ATRNL1: variants seen among roughly 807,000 people sequenced by gnomAD.
ATRNL1 encodes attractin like 1, also known as attractin-like protein 1.
Under a neutral mutation model 182.7 loss-of-function variants are expected in ATRNL1, and 95 were observed. The observed-to-expected ratio is 0.52, with a 90% CI of 0.44 to 0.62. ATRNL1 has a LOEUF of 0.62. Ranked by LOEUF, ATRNL1 falls within the 20% of genes least tolerant of loss-of-function variation. The pLI is 0.00. For synonymous variants in ATRNL1, 576 were observed against 568.3 expected (o/e 1.01, Z -0.19); for missense variants, 1,471 against 1,679.5 (o/e 0.88, Z 2.17).
chr10:115,274,976 G>A lies in ATRNL1; in HGVS notation c.2101-6379G>A, dbSNP rs113198768. Among the ~76,000 whole-genome samples the A allele has an allele frequency of 9.4e-3, 1,430 of 152,232 alleles. 10 individuals are homozygous for A. The highest frequency in any genetic ancestry group is 0.016 in the Non-Finnish European group (1,062 of 68,020). On this transcript the variant is annotated intron_variant, in intron 13 of 28. Coordinates refer to ENST00000355044, the MANE Select transcript of ATRNL1 (RefSeq NM_207303.4). ...ATAGACTAAATAGGCAAATTTCATG[G>A]GAATATGGTGGGAATTACCACTCCT...
At chr10:115,168,142 T>G (rs1269601) in intron 7 of ATRNL1, among the ~76,000 whole-genome samples, 101,538 of 151,950 alleles carry the variant, frequency 0.67, 34,635 homozygotes, top group Non-Finnish European at 0.75. Context: ...TATCCATGTT[T>G]TAGAATGTAT....
intron 1 of ATRNL1, among the ~76,000 whole-genome samples, chr10:115,097,212 C>G (rs1371825333): frequency 1.3e-5 from 2 of 152,002 alleles, no homozygotes; most frequent in Non-Finnish European, 2.9e-5. Flanking sequence ...TGCTGGGTGC[C>G]GTGGCTCAGG....
intron 20 of ATRNL1, among the ~76,000 whole-genome samples, chr10:115,425,356 TATA>T (rs1554962658): frequency 7.9e-5 from 12 of 151,702 alleles, no homozygotes; most frequent in African/African-American, 1.5e-4. Context: ...CATATGCAAA[TATA>T]ATTTTTAGTA....
chr10:115,484,976 T>C (rs1342122595), intron 24 of ATRNL1, among the ~76,000 whole-genome samples: 1 of 151,822 alleles, frequency 6.6e-6, no homozygotes, highest in East Asian at 1.9e-4. Flanking sequence ...AGAATCACTA[T>C]GTGAGCGAAA....
At chr10:115,641,976 TAAAC>T (rs1219616671) in intron 26 of ATRNL1, among the ~76,000 whole-genome samples, 5 of 152,094 alleles carry the variant, frequency 3.3e-5, no homozygotes, top group Non-Finnish European at 4.4e-5. Context: ...ATTGATTACT[TAAAC>T]AAGTAAACTA....
At chr10:115,736,816 G>T (rs1459623174) in intron 27 of ATRNL1, among the ~76,000 whole-genome samples, 1 of 152,032 alleles carries the variant, frequency 6.6e-6, no homozygotes, top group Non-Finnish European at 1.5e-5. Context: ...CGCCCAGGCT[G>T]GAGTGCAGTG....
chr10:115,810,601 T>C (rs1950024891), intron 27 of ATRNL1, among the ~76,000 whole-genome samples: 2 of 151,942 alleles, frequency 1.3e-5, no homozygotes, highest in Admixed American at 1.3e-4. Flanking sequence ...AAAGAATACT[T>C]GTTAATTCTT....
At chr10:115,863,514 C>T (rs1430982094) in intron 28 of ATRNL1, among the ~76,000 whole-genome samples, 1 of 152,120 alleles carries the variant, frequency 6.6e-6, no homozygotes, top group Non-Finnish European at 1.5e-5. Flanking sequence ...CTAGTTTTCT[C>T]ACTGTCAGAG....
intron 14 of ATRNL1, among the ~76,000 whole-genome samples, chr10:115,281,904 A>G (rs1203932484): frequency 6.7e-6 from 1 of 148,586 alleles, no homozygotes; most frequent in Non-Finnish European, 1.5e-5. Context: ...AGGCAACAAT[A>G]ATATAGAACA....
At chr10:115,344,864 A>T (rs1554939287) in intron 19 of ATRNL1, among the ~76,000 whole-genome samples, 1 of 152,188 alleles carries the variant, frequency 6.6e-6, no homozygotes, top group Non-Finnish European at 1.5e-5. Flanking sequence ...TGCTTCCAGG[A>T]CTGGGTCCTT....
chr10:115,345,079 T>C (rs1855916293), intron 19 of ATRNL1, among the ~76,000 whole-genome samples: 2 of 152,232 alleles, frequency 1.3e-5, no homozygotes, highest in African/African-American at 2.4e-5. Context: ...GGAGAGGCAA[T>C]GCCAGTACTC....
Position 115,821,948 on chromosome 10 carries a change from A to T in ATRNL1, c.3904-25929A>T, listed in dbSNP as rs146618041. Among the ~76,000 whole-genome samples, 1,514 of 152,206 alleles carry T rather than the reference A, an allele frequency of 9.9e-3. 31 individuals carry two copies. Among genetic ancestry groups the T allele is most frequent in the African/African-American group, 0.035 (1,434 of 41,500 alleles). Reference sequence around the variant, plus strand: ...AGCGGAGATAATAGACATCTACAGAACTCTCCACCCCAAATCAACAGAATA... The same window carrying T: ...AGCGGAGATAATAGACATCTACAGATCTCTCCACCCCAAATCAACAGAATA... On this transcript the variant is annotated intron_variant, in intron 27 of 28. Coordinates refer to ENST00000355044, the MANE Select transcript of ATRNL1 (RefSeq NM_207303.4).
chr10:115,542,764 G>C (rs1027442288), intron 25 of ATRNL1, among the ~76,000 whole-genome samples: 9 of 152,106 alleles, frequency 5.9e-5, no homozygotes, highest in Admixed American at 3.3e-4. Context: ...CCCAGTTCCA[G>C]AGGGTAGACA....
intron 26 of ATRNL1, among the ~76,000 whole-genome samples, chr10:115,621,276 T>TATATATAGAG (rs1268020830): frequency 0.021 from 981 of 47,416 alleles, 11 homozygotes; most frequent in Non-Finnish European, 0.029. Context: ...TATATATATA[T>TATATATAGAG]AGAGAGAGAG....
At chr10:115,788,438 T>C (rs1949447716) in intron 27 of ATRNL1, among the ~76,000 whole-genome samples, 1 of 152,216 alleles carries the variant, frequency 6.6e-6, no homozygotes, top group Non-Finnish European at 1.5e-5. Context: ...ACATTATAAA[T>C]TACAGATTAA....
chr10:115,238,331 T>C (rs1462533407), intron 9 of ATRNL1, among the ~76,000 whole-genome samples: 1 of 152,222 alleles, frequency 6.6e-6, no homozygotes, highest in Non-Finnish European at 1.5e-5. Context: ...AATCTGCATA[T>C]CAAGCTGGGA....
At chr10:115,168,068 T>C (rs561373010) in intron 7 of ATRNL1, among the ~76,000 whole-genome samples, 1 of 152,304 alleles carries the variant, frequency 6.6e-6, no homozygotes, top group South Asian at 2.1e-4. Flanking sequence ...ACATTTCATA[T>C]AAATGAAGTC....
intron 19 of ATRNL1, among the ~76,000 whole-genome samples, chr10:115,369,818 G>GA (rs1190804086): frequency 6.6e-6 from 1 of 152,174 alleles, no homozygotes; most frequent in African/African-American, 2.4e-5. Context: ...GCTATTCCCT[G>GA]ATGATAAATG....
At chr10:115,505,858 A>G (rs1554981183) in intron 24 of ATRNL1, among the ~76,000 whole-genome samples, 2 of 151,886 alleles carry the variant, frequency 1.3e-5, no homozygotes, top group Non-Finnish European at 2.9e-5. Context: ...TCATTATCAT[A>G]TTTCAGCTAG....
Sources: gnomAD v4.1 joint callset for allele counts (sites outside exome capture counted in the v4.1 genomes callset) on GRCh38, gnomAD v4.1.1 for gene constraint, MANE v1.5 for transcripts, NCBI Gene and HGNC (gene_info 2026-07-23, HGNC 2026-07-21) for gene names.